MXI1: variants seen among roughly 807,000 people sequenced by gnomAD.
MXI1 encodes max-interacting protein 1.
Under a neutral mutation model 36.9 loss-of-function variants are expected in MXI1, and 18 were observed. The ratio of observed to expected loss-of-function variants is 0.49; its 90% CI spans 0.34 to 0.72. The LOEUF is 0.72. Ranked by LOEUF, MXI1 falls within the 30% of genes least tolerant of loss-of-function variation. MXI1 has a pLI of 0.01. For missense variants in MXI1, 304 were observed against 379.1 expected, an observed-to-expected ratio of 0.80 and a Z score of 1.64; for synonymous variants, 160 against 146.7, an observed-to-expected ratio of 1.09 and a Z score of -0.65.
intron 1 of MXI1, among the ~76,000 whole-genome samples, chr10:110,213,179 G>A (rs568012047): frequency 6.6e-6 from 1 of 152,292 alleles, no homozygotes; most frequent in South Asian, 2.1e-4. Context: ...GAAGAGCTGA[G>A]ACTGCATCCT....
intron 1 of MXI1, among the ~76,000 whole-genome samples, chr10:110,218,951 T>C (rs184488915): frequency 1.3e-5 from 2 of 152,240 alleles, no homozygotes; most frequent in East Asian, 1.9e-4. Flanking sequence ...GACAATGACA[T>C]AGGCCAACCA....
rs757007260 is a variant in MXI1, at chr10:110,208,055, C to G, written c.247C>G (p.Leu83Val). The change falls in exon 1 of 6, where the codon CTG (leucine) becomes GTG (valine). Residue 83 changes from leucine (L) to valine (V), a missense_variant. By Grantham distance (32) the Leu-to-Val change is conservative (BLOSUM62 1). Coordinates refer to ENST00000332674, the MANE Select transcript of MXI1 (RefSeq NM_130439.3). Reference protein sequence around the residue: ...VQILLEAASYLEQIEKENKKC... With the variant: ...VQILLEAASYVEQIEKENKKC... ...GATTCTGCTCGAGGCCGCCAGCTAC[C>G]TGGAGCAGATCGAGAAAGAAAACAA... 1 of 1,600,468 alleles carries G rather than the reference C, an allele frequency of 6.2e-7. No individual in the cohort carries two copies. The highest frequency in any genetic ancestry group is 1.1e-5 in the South Asian group (1 of 89,524).
At chr10:110,228,068 A>G (rs921162032) in intron 1 of MXI1, 121 bp from the exon 2 acceptor site, 1 of 1,110,472 alleles carries the variant, frequency 9.0e-7, no homozygotes, top group South Asian at 1.4e-5. Context: ...AAAAGAGTGG[A>G]AACATTTTAC....
At position 110,279,163 on chromosome 10, in the gene MXI1, C is replaced by T; in HGVS notation, c.438-17C>T. On this transcript the variant is annotated splice_polypyrimidine_tract_variant and intron_variant, in intron 3 of 5. Transcript: ENST00000332674. ...AAATAACCAGACTGTGCTGATTTGACTTTTTGTCTTTCTTAGACGAGCTCA... is the reference window on the plus strand; with the variant it reads ...AAATAACCAGACTGTGCTGATTTGATTTTTTGTCTTTCTTAGACGAGCTCA... 6.3e-7 allele frequency: 1 copy of T among 1,589,474 alleles called. No homozygotes were observed.
chr10:110,277,755 A>G (rs1436374260), intron 3 of MXI1, among the ~76,000 whole-genome samples: 1 of 152,228 alleles, frequency 6.6e-6, no homozygotes, highest in Non-Finnish European at 1.5e-5. Flanking sequence ...ACCTTTAACT[A>G]TAGTTAGGTT....
At chr10:110,282,291 GAGCCTTTT>G (rs55790520) in intron 5 of MXI1, among the ~76,000 whole-genome samples, 45,318 of 151,694 alleles carry the variant, frequency 0.3, 8,528 homozygotes, top group Non-Finnish European at 0.41. Context: ...TGCTGAGTAG[GAGCCTTTT>G]AAATAGTTTT....
chr10:110,276,610 A>C (rs1161612361), intron 3 of MXI1, among the ~76,000 whole-genome samples: 1 of 117,776 alleles, frequency 8.5e-6, no homozygotes, highest in Non-Finnish European at 1.7e-5. Context: ...TCTTAAAGTT[A>C]ACATTTTTTT....
chr10:110,271,753 T>C (rs1236120978), intron 3 of MXI1, among the ~76,000 whole-genome samples: 1 of 152,224 alleles, frequency 6.6e-6, no homozygotes, highest in African/African-American at 2.4e-5. Flanking sequence ...GAAAAATCGT[T>C]ATAGCATTTA....
intron 5 of MXI1, 99 bp downstream of exon 5, chr10:110,280,184 C>T: frequency 2.0e-6 from 2 of 987,978 alleles, no homozygotes; most frequent in South Asian, 2.3e-5. Context: ...TTCTTTCTAG[C>T]CAACAGAGTA....
chr10:110,240,431 T>C (rs1855630085), intron 2 of MXI1, among the ~76,000 whole-genome samples: 1 of 152,106 alleles, frequency 6.6e-6, no homozygotes, highest in African/African-American at 2.4e-5. Flanking sequence ...AATTGTTTTG[T>C]CATTGTTAAG....
chr10:110,254,868 C>A (rs1856229648), intron 3 of MXI1, among the ~76,000 whole-genome samples: 1 of 152,146 alleles, frequency 6.6e-6, no homozygotes, highest in African/African-American at 2.4e-5. Context: ...GAAAAGAAGT[C>A]ATCTCCATAC....
intron 1 of MXI1, chr10:110,227,204 T>TGCGGGGGGAG: frequency 5.8e-6 from 1 of 171,974 alleles, no homozygotes; most frequent in Non-Finnish European, 7.1e-6. Flanking sequence ...GGGTCGCGCG[T>TGCGGGGGGAG]GTGTGAGGGG....
At chr10:110,279,343 A>C (rs1223149214) in intron 4 of MXI1, 49 bp downstream of exon 4, 2 of 1,469,006 alleles carry the variant, frequency 1.4e-6, no homozygotes, top group South Asian at 2.3e-5. Context: ...GTTCTGGTTT[A>C]ATTATTGGCA....
At chr10:110,261,702 T>A (rs1336205495) in intron 3 of MXI1, among the ~76,000 whole-genome samples, 1 of 152,046 alleles carries the variant, frequency 6.6e-6, no homozygotes, top group Non-Finnish European at 1.5e-5. Flanking sequence ...AGTATACCAT[T>A]GTGACTCTTC....
In MXI1 at chr10:110,285,105, AAAAC is replaced by A; in HGVS notation, c.*119_*122del. The A allele has an allele frequency of 2.6e-6, 2 of 766,434 alleles. No homozygotes were observed. The highest frequency in any genetic ancestry group is 3.7e-6 in the Non-Finnish European group (2 of 547,792). The allele number at this position is 766,434 out of a possible 1,614,324, so 47.5% of individuals were successfully genotyped here. ...TCTTTAAAACAAAACAAAACAAAACAAAACTATACTTGAACAAAAGGGTCAGAGG... is the reference window on the plus strand; with the variant it reads ...TCTTTAAAACAAAACAAAACAAAACATATACTTGAACAAAAGGGTCAGAGG... On this transcript the variant is annotated 3_prime_UTR_variant, in exon 6 of 6. Coordinates refer to ENST00000332674, the MANE Select transcript of MXI1 (RefSeq NM_130439.3).
chr10:110,208,319 C>T (rs1854413859), intron 1 of MXI1: 2 of 371,162 alleles, frequency 5.4e-6, no homozygotes, highest in African/African-American at 2.2e-5. Context: ...TCCTCTCCGG[C>T]GGGCTGGGGC....
chr10:110,267,052 G>A (rs1856696633), intron 3 of MXI1, among the ~76,000 whole-genome samples: 1 of 152,148 alleles, frequency 6.6e-6, no homozygotes, highest in Non-Finnish European at 1.5e-5. Flanking sequence ...TAATGTTGAA[G>A]TGTAATGGCT....
At chr10:110,282,212 A>G (rs1207925297) in intron 5 of MXI1, among the ~76,000 whole-genome samples, 1 of 152,182 alleles carries the variant, frequency 6.6e-6, no homozygotes, top group Non-Finnish European at 1.5e-5. Flanking sequence ...GTTTTGCTGT[A>G]CTGAATGTGT....
intron 2 of MXI1, among the ~76,000 whole-genome samples, chr10:110,235,009 A>G (rs1855406204): frequency 6.6e-6 from 1 of 152,224 alleles, no homozygotes; most frequent in South Asian, 2.1e-4. Context: ...AATACTAAAT[A>G]GCTTATAAAG....
Sources: allele counts gnomAD v4.1 joint callset (sites outside exome capture counted in the v4.1 genomes callset), GRCh38; gene constraint gnomAD v4.1.1; transcripts MANE v1.5; gene names NCBI Gene and HGNC (gene_info 2026-07-23, HGNC 2026-07-21).